Variants in ZNF398 observed in about 807,000 individuals in gnomAD.
ZNF398 encodes zinc finger protein 398.
Under a neutral mutation model 41.9 loss-of-function variants are expected in ZNF398, and 18 were observed. That is an observed-to-expected ratio of 0.43 (90% CI 0.30 to 0.64). The LOEUF (loss-of-function observed/expected upper bound fraction) is 0.64. Ranked by LOEUF, ZNF398 falls within the 30% of genes least tolerant of loss-of-function variation. ZNF398 has a pLI of 0.14. For missense variants in ZNF398, 669 were observed against 822.8 expected (o/e 0.81, Z 2.29); for synonymous variants, 260 against 308.8 (o/e 0.84, Z 1.66).
chr7:149,152,029 A>G (rs1297141207), intron 1 of ZNF398, among the ~76,000 whole-genome samples: 2 of 152,068 alleles, frequency 1.3e-5, no homozygotes, highest in East Asian at 2.0e-4. Flanking sequence ...TCAGGCTAAC[A>G]TGGTGAAACC....
intron 1 of ZNF398, among the ~76,000 whole-genome samples, chr7:149,149,938 G>A (rs1585514515): frequency 1.3e-5 from 2 of 152,238 alleles, no homozygotes; most frequent in South Asian, 4.1e-4. Flanking sequence ...GGTGCTCAGT[G>A]GCCACATGTA....
At chr7:149,159,103 C>T (rs975030730) in intron 2 of ZNF398, among the ~76,000 whole-genome samples, 1 of 150,928 alleles carries the variant, frequency 6.6e-6, no homozygotes, top group Non-Finnish European at 1.5e-5. Context: ...CTCAGCCTCC[C>T]AAGTAGCTGA....
chr7:149,176,439 G>A, intron 4 of ZNF398, 29 bp from the exon 5 acceptor site: 1 of 1,482,888 alleles, frequency 6.7e-7, no homozygotes, highest in Non-Finnish European at 9.4e-7. Context: ...AGTTCATGAA[G>A]GCCATTTTTT....
At chr7:149,154,361 T>C (rs1052709997) in intron 2 of ZNF398, 21 bp downstream of exon 2, 2 of 1,578,034 alleles carry the variant, frequency 1.3e-6, no homozygotes, top group South Asian at 2.3e-5. Flanking sequence ...CATTTCTAGA[T>C]GTAAAGTGGT....
rs190408210 is a variant in ZNF398, at chr7:149,136,067, A to C, written c.-490+7123A>C. ...GGTATCATGTGTAAGAACTCTGCCT[A>C]ATTCAAGGTCATAAATATTTGGTTT... On this transcript the variant is annotated intron_variant, in intron 2 of 6. Transcript: ENST00000426851. Among the ~76,000 whole-genome samples, 24 of 152,302 alleles carry C rather than the reference A, an allele frequency of 1.6e-4. No individual in the cohort carries two copies. In the East Asian group the frequency reaches 4.6e-3, roughly 29 times the overall value.
chr7:149,168,973 T>A (rs1460262801), intron 4 of ZNF398, among the ~76,000 whole-genome samples: 1 of 152,172 alleles, frequency 6.6e-6, no homozygotes, highest in Non-Finnish European at 1.5e-5. Context: ...CCAATAAAGA[T>A]GAGTGACTTG....
rs778773022 is a variant in ZNF398 at position 149,179,005 on chromosome 7, A to C, written c.1133A>C (p.His378Pro). The C allele has an allele frequency of 6.2e-7, 1 of 1,613,584 alleles. No individual in the cohort carries two copies. Among genetic ancestry groups the C allele is most frequent in the Admixed American group, 1.7e-5 (1 of 59,966 alleles). The change falls in exon 6 of 6, where the codon CAC becomes CCC. Residue 378 changes from histidine to proline, a missense_variant. This residue lies in a region of ZNF398 where 290 missense variants were observed against 292.9 expected (regional missense o/e 0.99). Coordinates refer to ENST00000475153, the MANE Select transcript of ZNF398 (RefSeq NM_170686.3). This position sits in a 1 kb window ranked among gnomAD's most constrained non-coding sequence, Gnocchi z 6.1. Reference protein sequence around the residue: ...HPLPCAQCPKHFTPQADLSST... With the variant: ...HPLPCAQCPKPFTPQADLSST... Reference sequence around the variant, plus strand: ...TTACCCTGTGCCCAGTGCCCTAAGCACTTTACTCCACAGGCGGACCTCAGC... The same window carrying C: ...TTACCCTGTGCCCAGTGCCCTAAGCCCTTTACTCCACAGGCGGACCTCAGC...
At chr7:149,170,194 G>A (rs557905111) in intron 4 of ZNF398, among the ~76,000 whole-genome samples, 1 of 152,272 alleles carries the variant, frequency 6.6e-6, no homozygotes, top group African/African-American at 2.4e-5. Flanking sequence ...CTGAACAATG[G>A]GGATATCTTC....
rs1368564995 is a variant in ZNF398, at chr7:149,181,862, G to C, written c.*2061G>C. ...CTGGGAATCCCAAAGCCAAGGTTCT[G>C]GCTTCATTGGCAACCCACTAGGAAC... is the stretch of plus-strand genomic sequence containing the variant. On this transcript the variant is annotated 3_prime_UTR_variant, in exon 6 of 6. Transcript: ENST00000475153. 1 of 152,188 alleles carries C rather than the reference G, an allele frequency of 6.6e-6. No individual in the cohort carries two copies. The allele number at this position is 152,188 out of a possible 1,614,324, so 9.4% of individuals were successfully genotyped here.
At chr7:149,162,136 C>G (rs568051439) in intron 2 of ZNF398, among the ~76,000 whole-genome samples, 18 of 152,236 alleles carry the variant, frequency 1.2e-4, no homozygotes, top group African/African-American at 3.8e-4. Flanking sequence ...AGACTCTTGA[C>G]TCAGCCTCCC....
intron 4 of ZNF398, among the ~76,000 whole-genome samples, chr7:149,167,419 A>G (rs1378999356): frequency 6.6e-6 from 1 of 152,126 alleles, no homozygotes; most frequent in Non-Finnish European, 1.5e-5. Context: ...TTTGGTTGGC[A>G]GCTGCTTAAC....
At chr7:149,155,811 C>T (rs1180112865) in intron 2 of ZNF398, among the ~76,000 whole-genome samples, 3 of 148,266 alleles carry the variant, frequency 2.0e-5, no homozygotes, top group Non-Finnish European at 4.4e-5. Context: ...ACTGCAAGCT[C>T]TGCCTCCCGG....
chr7:149,144,018 C>T (rs1280829179), upstream of ZNF398, among the ~76,000 whole-genome samples: 1 of 152,134 alleles, frequency 6.6e-6, no homozygotes, highest in Non-Finnish European at 1.5e-5. Flanking sequence ...TTAAACAGTA[C>T]ACAAAAAGCT....
At chr7:149,155,686 TATATA>T (rs1794951434) in intron 2 of ZNF398, among the ~76,000 whole-genome samples, 1 of 95,068 alleles carries the variant, frequency 1.1e-5, no homozygotes, top group Non-Finnish European at 2.1e-5. Flanking sequence ...TATTTGGTTA[TATATA>T]TATATATATA....
chr7:149,168,796 C>G (rs1266826524), intron 4 of ZNF398, among the ~76,000 whole-genome samples: 4 of 152,102 alleles, frequency 2.6e-5, no homozygotes, highest in Admixed American at 2.6e-4. Flanking sequence ...TTCAAGTGAT[C>G]CACCCGCCTT....
chr7:149,176,443 A>T (rs1795461932), intron 4 of ZNF398, 25 bp from the exon 5 acceptor site: 3 of 1,502,560 alleles, frequency 2.0e-6, no homozygotes, highest in East Asian at 4.6e-5. Context: ...CATGAAGGCC[A>T]TTTTTTTTTC....
chr7:149,132,845 T>C (rs1826627242), intron 2 of ZNF398, among the ~76,000 whole-genome samples: 1 of 152,178 alleles, frequency 6.6e-6, no homozygotes, highest in Non-Finnish European at 1.5e-5. Context: ...TTGACACAAC[T>C]GCCAGCATTC....
Position 149,178,647 on chromosome 7 carries a change from G to T in ZNF398, c.776-1G>T. The T allele has an allele frequency of 1.2e-6, 2 of 1,611,460 alleles. No homozygotes were observed. Among genetic ancestry groups the T allele is most frequent in the South Asian group, 2.2e-5 (2 of 90,858 alleles). On this transcript the variant is annotated splice_acceptor_variant, in intron 5 of 5. Transcript: ENST00000475153. LOFTEE classifies it high-confidence loss of function. ...TATAACTCTGGAGTCTTTTCTTTCA[G>T]ATGAAGAGCTTGTCATCAAAGCTGA...
chr7:149,155,703 ATATATTTTTTT>A (rs1563159456), intron 2 of ZNF398, among the ~76,000 whole-genome samples: 1 of 31,310 alleles, frequency 3.2e-5, no homozygotes, highest in Non-Finnish European at 6.4e-5. Flanking sequence ...ATATATATAT[ATATATTTTTTT>A]TTTTTTTTTT....
Sources: gnomAD v4.1 joint callset for allele counts (sites outside exome capture counted in the v4.1 genomes callset) on GRCh38, gnomAD v4.1.1 for gene constraint, gnomAD v4.1.1 regional missense constraint, Gnocchi (gnomAD v3.1) non-coding constraint, MANE v1.5 for transcripts, NCBI Gene and HGNC (gene_info 2026-07-23, HGNC 2026-07-21) for gene names.